GRM5: variants seen among roughly 807,000 people sequenced by gnomAD.
GRM5 encodes glutamate metabotropic receptor 5, also known as metabotropic glutamate receptor 5.
GRM5 carries 19 observed loss-of-function variants against 83.1 expected under a neutral mutation model. The observed-to-expected ratio is 0.23, with a 90% CI of 0.16 to 0.34. The LOEUF is 0.34. Ranked by LOEUF, GRM5 falls within the 10% of genes least tolerant of loss-of-function variation. GRM5 has a pLI of 1.00. For synonymous variants in GRM5, 675 were observed against 633.6 expected (o/e 1.07, Z -0.98); for missense variants, 1,160 against 1,588.3 (o/e 0.73, Z 4.58).
chr11:89,039,548 T>A lies in GRM5; in HGVS notation c.661+7664A>T, dbSNP rs186683330. On this transcript the variant is annotated intron_variant, in intron 2 of 9. Transcript: ENST00000305447. ...GTTCTGCTAATAAACAAAAAAAAAA[T>A]TTTTTAAATTAAACCATACTTTGTT... Among the ~76,000 whole-genome samples the A allele has an allele frequency of 5.2e-3, 792 of 151,812 alleles. 7 individuals carry two copies. The highest frequency in any genetic ancestry group is 0.016 in the African/African-American group (646 of 41,444).
intron 2 of GRM5, among the ~76,000 whole-genome samples, chr11:89,004,444 C>T (rs1484328024): frequency 1.3e-5 from 2 of 152,154 alleles, no homozygotes; most frequent in Admixed American, 1.3e-4. Flanking sequence ...ATCTCTTATA[C>T]TTGGATCAAA....
intron 7 of GRM5, among the ~76,000 whole-genome samples, chr11:88,584,545 C>T (rs1454778005): frequency 1.3e-5 from 2 of 152,058 alleles, no homozygotes; most frequent in African/African-American, 2.4e-5. Flanking sequence ...CAGGTTCAAG[C>T]GATTCTCCTG....
chr11:88,898,854 T>G (rs535176522), intron 2 of GRM5, among the ~76,000 whole-genome samples: 1 of 152,154 alleles, frequency 6.6e-6, no homozygotes, highest in African/African-American at 2.4e-5. Flanking sequence ...GATTGATACC[T>G]AACTTTGTTT....
At chr11:88,624,522 A>T (rs1938734648) in intron 4 of GRM5, among the ~76,000 whole-genome samples, 1 of 152,132 alleles carries the variant, frequency 6.6e-6, no homozygotes, top group Non-Finnish European at 1.5e-5. Context: ...GAAACAAGAA[A>T]CTAAAAATTT....
chr11:88,918,773 T>C (rs1032844690), intron 2 of GRM5, among the ~76,000 whole-genome samples: 5 of 151,986 alleles, frequency 3.3e-5, no homozygotes, highest in African/African-American at 1.2e-4. Flanking sequence ...ATGTAGAGTT[T>C]TTATTAGTTT....
intron 3 of GRM5, among the ~76,000 whole-genome samples, chr11:88,681,217 C>T (rs1466868524): frequency 6.6e-6 from 1 of 152,148 alleles, no homozygotes; most frequent in Non-Finnish European, 1.5e-5. Flanking sequence ...AATTTGCTCT[C>T]ATCCCCTCCT....
chr11:89,003,442 C>G (rs1172501686), intron 2 of GRM5, among the ~76,000 whole-genome samples: 1 of 152,104 alleles, frequency 6.6e-6, no homozygotes, highest in East Asian at 1.9e-4. Context: ...GATAAATAAA[C>G]AGAAAAACTT....
intron 3 of GRM5, among the ~76,000 whole-genome samples, chr11:88,749,106 T>C: frequency 6.6e-6 from 1 of 152,134 alleles, no homozygotes; most frequent in Non-Finnish European, 1.5e-5. Context: ...GATGGCTGAA[T>C]TGACAGAAGT....
chr11:88,598,707 G>A (rs1235498796), intron 5 of GRM5, among the ~76,000 whole-genome samples: 1 of 152,086 alleles, frequency 6.6e-6, no homozygotes, highest in African/African-American at 2.4e-5. Flanking sequence ...AAATATATGA[G>A]CTTTAAGTAT....
At chr11:88,712,628 T>C (rs980135379) in intron 3 of GRM5, among the ~76,000 whole-genome samples, 1 of 151,996 alleles carries the variant, frequency 6.6e-6, no homozygotes, top group Admixed American at 6.6e-5. Context: ...AATGGTCTTA[T>C]AATGAATACT....
intron 4 of GRM5, among the ~76,000 whole-genome samples, chr11:88,649,915 A>T (rs1325957349): frequency 6.6e-6 from 1 of 151,840 alleles, no homozygotes; most frequent in East Asian, 1.9e-4. Flanking sequence ...ATCACCTATG[A>T]TAATCATAAC....
intron 2 of GRM5, among the ~76,000 whole-genome samples, chr11:88,928,490 A>ATG (rs1945830848): frequency 9.0e-5 from 1 of 11,072 alleles, no homozygotes; most frequent in African/African-American, 1.5e-4. Flanking sequence ...ATATGTATAT[A>ATG]TGTATATATA....
At chr11:88,533,095 T>A (rs1047215995) in intron 8 of GRM5, among the ~76,000 whole-genome samples, 1 of 152,216 alleles carries the variant, frequency 6.6e-6, no homozygotes, top group Non-Finnish European at 1.5e-5. Flanking sequence ...TAGAAATCTT[T>A]TCATATCATT....
chr11:88,559,445 T>C (rs1427204553), intron 8 of GRM5, among the ~76,000 whole-genome samples: 1 of 152,214 alleles, frequency 6.6e-6, no homozygotes, highest in African/African-American at 2.4e-5. Flanking sequence ...ACTATCTGAA[T>C]GGGGAAGTCA....
intron 7 of GRM5, among the ~76,000 whole-genome samples, chr11:88,568,822 A>G (rs191352624): frequency 4.8e-4 from 73 of 152,340 alleles, no homozygotes; most frequent in East Asian, 9.6e-4. Context: ...TAGATGTTTT[A>G]GAAGATTCTG....
chr11:88,591,735 T>A (rs1312755842), intron 6 of GRM5, among the ~76,000 whole-genome samples: 2 of 152,304 alleles, frequency 1.3e-5, no homozygotes, highest in East Asian at 3.9e-4. Flanking sequence ...TTGTGTTGAC[T>A]CTTAAAACTA....
chr11:88,841,809 G>T (rs12293532), intron 3 of GRM5, among the ~76,000 whole-genome samples: 3,869 of 152,166 alleles, frequency 0.025, 173 homozygotes, highest in African/African-American at 0.089. Context: ...TCACAGTATT[G>T]CAAAAGACAT....
intron 2 of GRM5, among the ~76,000 whole-genome samples, chr11:88,853,318 G>T (rs1279253580): frequency 1.3e-5 from 2 of 152,120 alleles, no homozygotes; most frequent in African/African-American, 4.8e-5. Context: ...CTTTTACAAT[G>T]ACAATTAAAG....
At chr11:88,829,570 T>C (rs568965824) in intron 3 of GRM5, among the ~76,000 whole-genome samples, 12 of 152,238 alleles carry the variant, frequency 7.9e-5, no homozygotes, top group African/African-American at 2.9e-4. Context: ...ACAGAAAATA[T>C]ATAATTTAAA....
Sources: allele counts gnomAD v4.1 joint callset (sites outside exome capture counted in the v4.1 genomes callset), GRCh38; gene constraint gnomAD v4.1.1; transcripts MANE v1.5; gene names NCBI Gene and HGNC (gene_info 2026-07-23, HGNC 2026-07-21).